Variants in MS4A18 observed in about 807,000 individuals in gnomAD.
The protein encoded by MS4A18 is membrane-spanning 4-domains subfamily A member 18.
Under a neutral mutation model 13.1 loss-of-function variants are expected in MS4A18, and 27 were observed. That is an observed-to-expected ratio of 2.06 (90% confidence interval 1.52 to 2.84). The LOEUF (loss-of-function observed/expected upper bound fraction) is 2.84. Ranked by LOEUF, MS4A18 falls within the 30% of genes most tolerant of loss-of-function variation. The pLI is 0.00. For synonymous variants in MS4A18, 126 were observed against 76.5 expected (o/e 1.65, Z -3.38); for missense variants, 307 against 196.4 (o/e 1.56, Z -3.37).
chr11:60,733,386 A>C, intron 1 of MS4A18, 148 bp from the exon 3 acceptor site: 4 of 620,898 alleles, frequency 6.4e-6, no homozygotes, highest in East Asian at 2.7e-5. Flanking sequence ...CCCTACCCTC[A>C]GAGATTTGTA....
chr11:60,729,534 ACAGAGTCAACC>A lies in MS4A18; in HGVS notation c.222_232del (p.Gln74HisfsTer44), dbSNP rs1476138337. ...TGAACCAGAACTCAGCAGCAGGTGT[ACAGAGTCAACC>A]CATTGGGTATCAGCGACAGTATCCA... On this transcript the variant is annotated frameshift_variant, in exon 1 of 6. Coordinates refer to ENST00000529108, the Ensembl canonical transcript of MS4A18. LOFTEE classifies it high-confidence loss of function. The A allele has an allele frequency of 4.3e-6, 3 of 702,706 alleles. No homozygotes were observed. The highest frequency in any genetic ancestry group is 7.8e-6 in the Non-Finnish European group (3 of 384,830). The allele number at this position is 702,706 out of a possible 1,614,324, so 43.5% of individuals were successfully genotyped here. A position where few individuals can be genotyped will look rare whatever the true frequency, so the allele number is the denominator to read the frequency against.
At chr11:60,738,821 C>A (rs544998334) in intron 3 of MS4A18, 81 bp from the exon 5 acceptor site, 1 of 666,526 alleles carries the variant, frequency 1.5e-6, no homozygotes, top group African/African-American at 1.8e-5. Flanking sequence ...CTCTCTTCTC[C>A]GACTTCCCAA....
intron 4 of MS4A18, among the ~76,000 whole-genome samples, chr11:60,739,899 A>T (rs1047983823): frequency 6.6e-6 from 1 of 152,208 alleles, no homozygotes; most frequent in Admixed American, 6.5e-5. Context: ...GGACTAACCA[A>T]GTGGGCAAGG....
upstream of MS4A18, among the ~76,000 whole-genome samples, chr11:60,724,909 G>A (rs1853123691): frequency 6.6e-6 from 1 of 152,200 alleles, no homozygotes; most frequent in African/African-American, 2.4e-5. Flanking sequence ...AAGGAATCAG[G>A]GGTTCAGACA....
intron 2 of MS4A18, among the ~76,000 whole-genome samples, chr11:60,735,500 ATTTT>A (rs56136215): frequency 9.1e-6 from 1 of 110,100 alleles, no homozygotes; most frequent in African/African-American, 3.6e-5. Flanking sequence ...TGCCCGGCTA[ATTTT>A]TTTTTTTTTT....
chr11:60,736,883 A>T, intron 2 of MS4A18, 95 bp from the exon 4 acceptor site: 1 of 667,990 alleles, frequency 1.5e-6, no homozygotes, highest in Non-Finnish European at 2.7e-6. Flanking sequence ...TGCATAGAAC[A>T]TAAAGATTGA....
chr11:60,725,799 G>T (rs181495693), upstream of MS4A18, among the ~76,000 whole-genome samples: 163 of 152,230 alleles, frequency 1.1e-3, no homozygotes, highest in African/African-American at 3.9e-3. Flanking sequence ...ACCTCTCTGA[G>T]CCTCAGAGAG....
chr11:60,729,353 G>C (rs117669468), exon 1 of MS4A18: 1 of 702,784 alleles, frequency 1.4e-6, no homozygotes, highest in Non-Finnish European at 2.6e-6. Flanking sequence ...AGTGTACCTG[G>C]CATTATTGCC....
chr11:60,738,599 A>G (rs1364000211), intron 3 of MS4A18, among the ~76,000 whole-genome samples: 1 of 152,142 alleles, frequency 6.6e-6, no homozygotes, highest in Non-Finnish European at 1.5e-5. Flanking sequence ...AGGTAAAACA[A>G]CTAACAGGTA....
chr11:60,740,785 C>A (rs1239577048), intron 4 of MS4A18, among the ~76,000 whole-genome samples: 1 of 152,178 alleles, frequency 6.6e-6, no homozygotes, highest in Non-Finnish European at 1.5e-5. Flanking sequence ...GCAAAGTAGG[C>A]TTCAGAGGCC....
rs553496945 is a variant in MS4A18 at position 60,741,858 on chromosome 11, C to A, written c.858+715C>A. Among the ~76,000 whole-genome samples, 8 of 152,326 alleles carry A rather than the reference C, an allele frequency of 5.3e-5. No homozygotes were observed. The South Asian group carries it at 1.7e-3, about 32-fold the overall frequency. ...TTGAAGTCTAGGATCCAAATCAGAT[C>A]TAGATGTGACTGAGGATTTGGGTGT... is the stretch of plus-strand genomic sequence containing the variant. On this transcript the variant is annotated intron_variant, in intron 5 of 5. Transcript: ENST00000529108.
chr11:60,741,664 C>G (rs988919564), intron 5 of MS4A18, among the ~76,000 whole-genome samples: 1 of 152,170 alleles, frequency 6.6e-6, no homozygotes, highest in Non-Finnish European at 1.5e-5. Context: ...ATAAGAGGAG[C>G]TACAAAGTCA....
chr11:60,733,491 G>T (rs1853286202), intron 1 of MS4A18, 43 bp from the exon 3 acceptor site: 1 of 702,990 alleles, frequency 1.4e-6, no homozygotes, highest in South Asian at 1.5e-5. Flanking sequence ...CAGCCCACAG[G>T]CCCGCAGTTC....
At chr11:60,735,492 C>T (rs1853322390) in intron 2 of MS4A18, among the ~76,000 whole-genome samples, 1 of 146,628 alleles carries the variant, frequency 6.8e-6, no homozygotes, top group Non-Finnish European at 1.5e-5. Flanking sequence ...TGCCACCGTG[C>T]CCGGCTAATT....
At chr11:60,733,475 G>A (rs1853286037) in intron 1 of MS4A18, 59 bp from the exon 3 acceptor site, 2 of 702,214 alleles carry the variant, frequency 2.8e-6, no homozygotes, top group Admixed American at 2.0e-5. Flanking sequence ...GCAAAGCACA[G>A]CTCCACAGCC....
chr11:60,737,810 C>T (rs1485478320), intron 3 of MS4A18, among the ~76,000 whole-genome samples: 2 of 152,176 alleles, frequency 1.3e-5, no homozygotes, highest in African/African-American at 4.8e-5. Context: ...CAGCTAGGGG[C>T]TGGGTGTCTA....
upstream of MS4A18, among the ~76,000 whole-genome samples, chr11:60,725,272 C>G (rs1853133640): frequency 6.6e-6 from 1 of 152,192 alleles, no homozygotes; most frequent in Admixed American, 6.5e-5. Flanking sequence ...CGGCTCACTG[C>G]AAGTTCCACC....
intron 1 of MS4A18, among the ~76,000 whole-genome samples, chr11:60,730,677 C>T (rs1853241136): frequency 6.6e-6 from 1 of 152,190 alleles, no homozygotes; most frequent in Admixed American, 6.5e-5. Context: ...GAAGGGGACC[C>T]ATTCCTCCTT....
At chr11:60,739,022 C>T (rs1346703854) in intron 4 of MS4A18, 25 bp downstream of exon 5, 4 of 702,230 alleles carry the variant, frequency 5.7e-6, no homozygotes, top group African/African-American at 1.7e-5. Context: ...GCCAGGGCCC[C>T]GTGCTGCCAA....
Sources: allele counts gnomAD v4.1 joint callset (sites outside exome capture counted in the v4.1 genomes callset), GRCh38; gene constraint gnomAD v4.1.1; transcripts MANE v1.5; gene names NCBI Gene and HGNC (gene_info 2026-07-23, HGNC 2026-07-21).